Variants in MYT1L observed in about 807,000 individuals in gnomAD.
MYT1L encodes the protein myelin transcription factor 1 like.
Under a neutral mutation model 126.7 loss-of-function variants are expected in MYT1L, and 12 were observed. The ratio of observed to expected loss-of-function variants is 0.09; its 90% CI spans 0.06 to 0.15. The LOEUF is 0.15. MYT1L is among the 10% of genes least tolerant of loss of function. The pLI, the probability that MYT1L is intolerant of heterozygous loss-of-function variation, is 1.00. For synonymous variants in MYT1L, 541 were observed against 604.2 expected (o/e 0.90, Z 1.53); for missense variants, 979 against 1,585.2 (o/e 0.62, Z 6.49).
At chr2:2,165,299 C>CACACACACGTGCACACATACACACAT (rs2088858897) in intron 3 of MYT1L, among the ~76,000 whole-genome samples, 1 of 151,768 alleles carries the variant, frequency 6.6e-6, no homozygotes, top group Non-Finnish European at 1.5e-5. Context: ...CACACACACA[C>CACACACACGTGCACACATACACACAT]ACACACACGT....
At chr2:2,045,217 A>G (rs2068033276) in intron 4 of MYT1L, among the ~76,000 whole-genome samples, 1 of 152,274 alleles carries the variant, frequency 6.6e-6, no homozygotes, top group African/African-American at 2.4e-5. Context: ...AGAGTTATGC[A>G]TGTAAATCTC....
chr2:1,934,179 T>G (rs1176983564), intron 9 of MYT1L, among the ~76,000 whole-genome samples: 1 of 151,450 alleles, frequency 6.6e-6, no homozygotes, highest in Non-Finnish European at 1.5e-5. Flanking sequence ...TTTCATCGTG[T>G]TAGCCAGGAT....
At chr2:2,196,718 T>TA (rs1208946150) in intron 2 of MYT1L, among the ~76,000 whole-genome samples, 1 of 151,804 alleles carries the variant, frequency 6.6e-6, no homozygotes, top group African/African-American at 2.4e-5. Context: ...TAAAACCTAG[T>TA]AAAAAATCTA....
chr2:1,907,167 C>T (rs933908704), intron 13 of MYT1L, among the ~76,000 whole-genome samples: 1 of 149,526 alleles, frequency 6.7e-6, no homozygotes, highest in Admixed American at 6.7e-5. Flanking sequence ...GTGATGTGAT[C>T]ATATTTCAAG....
At chr2:2,060,760 C>T in intron 3 of MYT1L, among the ~76,000 whole-genome samples, 1 of 138,816 alleles carries the variant, frequency 7.2e-6, no homozygotes, top group South Asian at 2.5e-4. Flanking sequence ...TGCCCACTTC[C>T]TCTCTCCCTC....
intron 4 of MYT1L, among the ~76,000 whole-genome samples, chr2:2,003,998 C>G (rs1165763490): frequency 7.3e-6 from 1 of 136,454 alleles, no homozygotes; most frequent in Non-Finnish European, 1.7e-5. Flanking sequence ...AGCGTTCTTT[C>G]CTGCATGCCT....
intron 13 of MYT1L, among the ~76,000 whole-genome samples, chr2:1,903,810 T>C (rs1016177232): frequency 3.3e-5 from 5 of 152,208 alleles, no homozygotes; most frequent in African/African-American, 4.8e-5. Flanking sequence ...ATGTACCTTG[T>C]CAAGTACTAG....
intron 3 of MYT1L, among the ~76,000 whole-genome samples, chr2:2,137,134 G>A (rs1346803955): frequency 6.6e-6 from 1 of 152,152 alleles, no homozygotes; most frequent in South Asian, 2.1e-4. Context: ...CCTTACAAGG[G>A]ACGTGAAGGA....
chr2:2,093,010 G>T (rs188215615), intron 3 of MYT1L, among the ~76,000 whole-genome samples: 8 of 152,228 alleles, frequency 5.3e-5, no homozygotes, highest in Admixed American at 1.3e-4. Context: ...CGATTTTCAG[G>T]TTACAATACA....
intron 3 of MYT1L, among the ~76,000 whole-genome samples, chr2:2,102,672 TA>T (rs2078244279): frequency 6.6e-6 from 1 of 151,130 alleles, no homozygotes; most frequent in African/African-American, 2.4e-5. Flanking sequence ...CTATATTGCA[TA>T]AAAACATGAT....
intron 2 of MYT1L, among the ~76,000 whole-genome samples, chr2:2,213,428 C>T (rs1376809162): frequency 6.6e-6 from 1 of 152,022 alleles, no homozygotes; most frequent in African/African-American, 2.4e-5. Flanking sequence ...AGAGGGTCCC[C>T]CAACAGTATC....
chr2:1,961,517 T>A (rs936989026), intron 8 of MYT1L, among the ~76,000 whole-genome samples: 1 of 152,202 alleles, frequency 6.6e-6, no homozygotes, highest in Non-Finnish European at 1.5e-5. Context: ...GACAGCACCT[T>A]TGCCTGGCTG....
At chr2:1,876,964 G>C (rs973674910) in intron 18 of MYT1L, among the ~76,000 whole-genome samples, 3 of 152,236 alleles carry the variant, frequency 2.0e-5, no homozygotes, top group Non-Finnish European at 4.4e-5. Context: ...GACTCAAGCT[G>C]AGTCTCCTTA....
chr2:2,057,069 C>A (rs1027556710), intron 3 of MYT1L, among the ~76,000 whole-genome samples: 1 of 152,042 alleles, frequency 6.6e-6, no homozygotes, highest in African/African-American at 2.4e-5. Flanking sequence ...ACAGGCAGAA[C>A]GACATTGATT....
At chr2:1,904,028 A>G (rs2050711919) in intron 13 of MYT1L, among the ~76,000 whole-genome samples, 1 of 152,110 alleles carries the variant, frequency 6.6e-6, no homozygotes, top group African/African-American at 2.4e-5. Context: ...ACTTGAAATA[A>G]CTTTAGACTT....
intron 21 of MYT1L, chr2:1,825,322 A>G (rs1402049343): frequency 6.6e-6 from 1 of 152,246 alleles, no homozygotes; most frequent in East Asian, 1.9e-4. Context: ...CGACCTAGTT[A>G]TGGCGAGCAA....
At chr2:1,803,120 T>C (rs75380652) in intron 22 of MYT1L, among the ~76,000 whole-genome samples, 6,729 of 152,220 alleles carry the variant, frequency 0.044, 200 homozygotes, top group South Asian at 0.1. Context: ...ATCAGTGGGA[T>C]TGGGCCTTAG....
intron 21 of MYT1L, among the ~76,000 whole-genome samples, chr2:1,835,704 C>T (rs370631906): frequency 2.6e-5 from 4 of 152,278 alleles, no homozygotes; most frequent in Non-Finnish European, 4.4e-5. Context: ...CGGGCAAACA[C>T]GCCCAGAGCC....
Position 2,023,712 on chromosome 2 carries a change from G to A in MYT1L, c.-157-26365C>T, listed in dbSNP as rs544398044. Among the ~76,000 whole-genome samples, 13 of 152,114 alleles carry A rather than the reference G, an allele frequency of 8.5e-5. No homozygotes were observed. In the East Asian group the frequency reaches 1.4e-3, roughly 16 times the overall value. On this transcript the variant is annotated intron_variant, in intron 4 of 24. Transcript: ENST00000647738. Reference sequence around the variant, plus strand: ...TGTCTAGCGAGTCTTCCTCTTCGACGAAGTGAATTCTTCTCTTTCTCAGGG... The same window carrying A: ...TGTCTAGCGAGTCTTCCTCTTCGACAAAGTGAATTCTTCTCTTTCTCAGGG...
Sources: gnomAD v4.1 joint callset for allele counts (sites outside exome capture counted in the v4.1 genomes callset) on GRCh38, gnomAD v4.1.1 for gene constraint, MANE v1.5 for transcripts, NCBI Gene and HGNC (gene_info 2026-07-23, HGNC 2026-07-21) for gene names.